ELMO1: variants seen among roughly 807,000 people sequenced by gnomAD.
ELMO1 encodes the protein engulfment and cell motility 1, also known as engulfment and cell motility protein 1.
ELMO1 carries 26 observed loss-of-function variants against 98.9 expected under a neutral mutation model. That is an observed-to-expected ratio of 0.26 (90% CI 0.19 to 0.36). The LOEUF is 0.36. Among genes scored for constraint, ELMO1 ranks in the 10% least tolerant of loss-of-function variants. The probability of loss-of-function intolerance (pLI) is 1.00; values close to 1 mark genes in which losing one functional copy is unlikely to be tolerated. For synonymous variants in ELMO1, 346 were observed against 346.0 expected (o/e 1.00, Z 0.00); for missense variants, 627 against 935.2 (o/e 0.67, Z 4.30).
At chr7:37,080,687 G>A (rs1006312529) in intron 15 of ELMO1, among the ~76,000 whole-genome samples, 3 of 142,058 alleles carry the variant, frequency 2.1e-5, no homozygotes, top group Admixed American at 7.7e-5. Context: ...TTCTGACCTC[G>A]TGATCCACCT....
At chr7:36,905,536 C>T (rs1358148983) in intron 16 of ELMO1, among the ~76,000 whole-genome samples, 1 of 152,224 alleles carries the variant, frequency 6.6e-6, no homozygotes, top group Non-Finnish European at 1.5e-5. Flanking sequence ...GTTAGCAAAT[C>T]CTTATCGTCT....
At chr7:37,158,283 C>T (rs1788942000) in intron 13 of ELMO1, among the ~76,000 whole-genome samples, 1 of 152,128 alleles carries the variant, frequency 6.6e-6, no homozygotes, top group Admixed American at 6.6e-5. Context: ...AAAGCAATGG[C>T]AACAAAAGCC....
At chr7:37,350,952 T>C (rs2131295671) in intron 1 of ELMO1, among the ~76,000 whole-genome samples, 1 of 152,296 alleles carries the variant, frequency 6.6e-6, no homozygotes, top group East Asian at 1.9e-4. Flanking sequence ...CTCTGACTTC[T>C]AGCCTCCGTA....
At chr7:37,233,795 C>T (rs1222372844) in intron 7 of ELMO1, among the ~76,000 whole-genome samples, 1 of 152,178 alleles carries the variant, frequency 6.6e-6, no homozygotes, top group Non-Finnish European at 1.5e-5. Flanking sequence ...TAAACATACT[C>T]ATTTTGATTT....
intron 4 of ELMO1, among the ~76,000 whole-genome samples, chr7:37,293,739 TAAAAA>T (rs1209862113): frequency 7.0e-5 from 3 of 42,860 alleles, no homozygotes; most frequent in African/African-American, 1.5e-4. Flanking sequence ...ATAATAATAA[TAAAAA>T]AAAAGAGTGA....
intron 19 of ELMO1, among the ~76,000 whole-genome samples, chr7:36,871,780 G>C (rs1194071887): frequency 6.6e-6 from 1 of 151,938 alleles, no homozygotes; most frequent in Non-Finnish European, 1.5e-5. Context: ...AAATTACTAA[G>C]AACTTGGTCC....
At chr7:37,160,662 AG>A (rs1789137820) in intron 13 of ELMO1, among the ~76,000 whole-genome samples, 1 of 152,188 alleles carries the variant, frequency 6.6e-6, no homozygotes, top group Non-Finnish European at 1.5e-5. Flanking sequence ...AATCATAAGT[AG>A]CCCCCAAATG....
Position 37,143,493 on chromosome 7 carries a change from G to A in ELMO1, c.1087-10259C>T, listed in dbSNP as rs184505177. ...GCAATCTCGGCTCACTGCAACCTCC[G>A]CCTCCCAGGTTCAAGCGATTCTCTT... On this transcript the variant is annotated intron_variant, in intron 13 of 21. Transcript: ENST00000310758. 4.0e-4 allele frequency among the ~76,000 whole-genome samples: 60 copies of A among 151,862 alleles called. No individual in the cohort carries two copies. In the East Asian group the frequency reaches 9.7e-3, roughly 24 times the overall value.
chr7:37,165,702 G>A (rs1387320574), intron 13 of ELMO1, among the ~76,000 whole-genome samples: 1 of 152,064 alleles, frequency 6.6e-6, no homozygotes, highest in Non-Finnish European at 1.5e-5. Flanking sequence ...TGATCTTGGT[G>A]GATAAGCTTT....
chr7:37,260,782 A>G (rs951151234), intron 5 of ELMO1, among the ~76,000 whole-genome samples: 42 of 152,058 alleles, frequency 2.8e-4, no homozygotes, highest in Admixed American at 1.2e-3. Context: ...CAGGGAGGAA[A>G]ACGAGAGCCC....
At chr7:37,226,749 G>T (rs2130574198) in intron 8 of ELMO1, among the ~76,000 whole-genome samples, 1 of 152,182 alleles carries the variant, frequency 6.6e-6, no homozygotes, top group Non-Finnish European at 1.5e-5. Context: ...TGCTGATATT[G>T]TCAAGCACCC....
chr7:37,297,448 G>A (rs1798092121), intron 4 of ELMO1, among the ~76,000 whole-genome samples: 1 of 151,940 alleles, frequency 6.6e-6, no homozygotes, highest in Admixed American at 6.6e-5. Context: ...ACTCATGAAA[G>A]TGCCTGGCAC....
Position 37,386,841 on chromosome 7 carries a change from T to C in ELMO1, c.-73-44078A>G, listed in dbSNP as rs565513479. ...AAGCCCTTCCCTGCACACGGCCTGG[T>C]GTCTGCTTCCTTCAGTGGTTATTAG... On this transcript the variant is annotated intron_variant, in intron 1 of 21. Coordinates refer to ENST00000310758, the MANE Select transcript of ELMO1 (RefSeq NM_014800.11). 2.2e-4 allele frequency among the ~76,000 whole-genome samples: 33 copies of C among 152,332 alleles called. No homozygotes were observed. The South Asian group carries it at 6.6e-3, about 31-fold the overall frequency.
intron 16 of ELMO1, among the ~76,000 whole-genome samples, chr7:36,960,660 C>A (rs1014978972): frequency 3.3e-5 from 5 of 151,838 alleles, no homozygotes; most frequent in African/African-American, 1.2e-4. Flanking sequence ...CTTCTATGAC[C>A]AGACAACATT....
intron 13 of ELMO1, among the ~76,000 whole-genome samples, chr7:37,163,343 T>TTTG (rs147535953): frequency 0.92 from 137,476 of 149,912 alleles, 62,710 homozygotes; most frequent in Non-Finnish European, 0.96. Context: ...TGTTCTTTTT[T>TTTG]TTTTTTTTTA....
chr7:37,418,745 G>A (rs775806302), intron 1 of ELMO1, among the ~76,000 whole-genome samples: 2 of 152,182 alleles, frequency 1.3e-5, no homozygotes, highest in Admixed American at 1.3e-4. Flanking sequence ...ATGCGGGCAG[G>A]CAGAATCACA....
At chr7:37,290,448 G>C (rs1797617585) in intron 4 of ELMO1, among the ~76,000 whole-genome samples, 1 of 152,102 alleles carries the variant, frequency 6.6e-6, no homozygotes, top group Non-Finnish European at 1.5e-5. Flanking sequence ...ATACATCTCA[G>C]TGTATTTGCA....
intron 13 of ELMO1, among the ~76,000 whole-genome samples, chr7:37,209,560 G>A (rs563530008): frequency 6.6e-5 from 10 of 152,206 alleles, no homozygotes; most frequent in South Asian, 4.1e-4. Context: ...TTTTCCAAAT[G>A]TACATGCCCT....
At chr7:37,328,224 A>G (rs1162740931) in intron 2 of ELMO1, among the ~76,000 whole-genome samples, 2 of 152,052 alleles carry the variant, frequency 1.3e-5, no homozygotes, top group African/African-American at 2.4e-5. Context: ...ACTACAAAAA[A>G]TACAAAAAGT....
Sources: allele counts gnomAD v4.1 joint callset (sites outside exome capture counted in the v4.1 genomes callset), GRCh38; gene constraint gnomAD v4.1.1; transcripts MANE v1.5; gene names NCBI Gene and HGNC (gene_info 2026-07-23, HGNC 2026-07-21).